SPATA2: variants seen among roughly 807,000 people sequenced by gnomAD.
The protein encoded by SPATA2 is spermatogenesis-associated protein 2.
A neutral mutation model predicts 35.4 loss-of-function variants in SPATA2; 8 were observed. The observed-to-expected ratio is 0.23, with a 90% CI of 0.13 to 0.41. The LOEUF is 0.41. SPATA2 is among the 10% of genes least tolerant of loss of function. The pLI, the probability that SPATA2 is intolerant of heterozygous loss-of-function variation, is 1.00. For synonymous variants in SPATA2, 293 were observed against 300.9 expected (o/e 0.97, Z 0.27); for missense variants, 650 against 698.7 (o/e 0.93, Z 0.79).
intron 2 of SPATA2, 150 bp downstream of exon 2, chr20:49,908,005 T>G: frequency 2.6e-6 from 2 of 784,072 alleles, no homozygotes; most frequent in South Asian, 1.9e-5. Context: ...GGTTCAGAGG[T>G]GATGCTGGAG....
At chr20:49,913,294 T>C (rs1002450371) in intron 1 of SPATA2, among the ~76,000 whole-genome samples, 2 of 152,200 alleles carry the variant, frequency 1.3e-5, no homozygotes, top group African/African-American at 2.4e-5. Flanking sequence ...AGCTGGAATC[T>C]GAACTCTTGC....
chr20:49,906,070 C>G lies in SPATA2; in HGVS notation c.1112G>C (p.Arg371Pro). Reference protein sequence around the residue: ...RNDAHSLYHKRSPPAKESALS... With the variant: ...RNDAHSLYHKPSPPAKESALS... ...GGCGGACTCTTTGGCAGGGGGCGAG[C>G]GCTTGTGGTAGAGGGAGTGGGCATC... The change falls in exon 3 of 3, where the codon CGC (arginine) becomes CCC (proline). Residue 371 changes from arginine (R) to proline (P), a missense_variant. Transcript: ENST00000289431. The surrounding 1 kb of genome is among the most constrained non-coding windows in gnomAD (Gnocchi z 8.2). 1 of 1,607,624 alleles carries G rather than the reference C, an allele frequency of 6.2e-7. No individual in the cohort carries two copies. The highest frequency in any genetic ancestry group is 8.5e-7 in the Non-Finnish European group (1 of 1,179,454).
intron 1 of SPATA2, among the ~76,000 whole-genome samples, chr20:49,908,858 C>T (rs778973580): frequency 2.3e-4 from 35 of 152,246 alleles, no homozygotes; most frequent in Admixed American, 7.2e-4. Flanking sequence ...GTCCTGGTTT[C>T]GTTGGGGAAG....
At position 49,904,911 on chromosome 20, in the gene SPATA2, AG is replaced by A. The variant is rs1214850402; in HGVS notation, c.*707del. On this transcript the variant is annotated 3_prime_UTR_variant, in exon 3 of 3. Coordinates refer to ENST00000289431, the MANE Select transcript of SPATA2 (RefSeq NM_006038.4). ...AGAGGGGCATGTGCAAACAACAGAA[AG>A]GGGGAAGTCAGTCCTGCTGTGGGAA... is the stretch of plus-strand genomic sequence containing the variant. 2.0e-5 allele frequency: 3 copies of A among 152,764 alleles called. No homozygotes were observed. The highest frequency in any genetic ancestry group is 4.4e-5 in the Non-Finnish European group (3 of 68,102). 9.5% of individuals were successfully genotyped at this position (152,764 alleles called of 1,614,324 possible).
chr20:49,903,934 T>G lies in SPATA2; in HGVS notation c.*1685A>C, dbSNP rs1471910286. On this transcript the variant is annotated 3_prime_UTR_variant, in exon 3 of 3. Transcript: ENST00000289431. ...ATATATATATATATATATATATATATATATATATATATATATATTAAAAAG... is the reference window on the plus strand; with the variant it reads ...ATATATATATATATATATATATATAGATATATATATATATATATTAAAAAG... 9.4e-4 allele frequency: 55 copies of G among 58,560 alleles called. 1 individual carries two copies. Among genetic ancestry groups the G allele is most frequent in the Non-Finnish European group, 1.7e-3 (43 of 25,940 alleles). 3.6% of individuals were successfully genotyped at this position (58,560 alleles called of 1,614,324 possible). A position where few individuals can be genotyped will look rare whatever the true frequency, so the allele number is the denominator to read the frequency against.
chr20:49,907,944 C>A (rs2090158227), intron 2 of SPATA2, among the ~76,000 whole-genome samples: 1 of 152,222 alleles, frequency 6.6e-6, no homozygotes, highest in Admixed American at 6.5e-5. Flanking sequence ...AACCTGGCTG[C>A]CCCTGCCTTC....
In SPATA2 at chr20:49,908,498, AGG is replaced by A; in HGVS notation, c.-10_-9del. 2 of 1,576,978 alleles carry A rather than the reference AGG, an allele frequency of 1.3e-6. No individual in the cohort carries two copies. Among genetic ancestry groups the A allele is most frequent in the South Asian group, 2.3e-5 (2 of 86,032 alleles). ...TGAACTGGGCTTCCCCATCCGATCGAGGGGGGCTACCTTATCTCCTCCATGGC... is the reference window on the plus strand; with the variant it reads ...TGAACTGGGCTTCCCCATCCGATCGAGGGGCTACCTTATCTCCTCCATGGC... On this transcript the variant is annotated 5_prime_UTR_variant, in exon 2 of 3. Transcript: ENST00000289431.
In SPATA2 at chr20:49,906,274, C is replaced by G. The variant is rs757002791; in HGVS notation, c.908G>C (p.Ser303Thr). 1.3e-6 allele frequency: 2 copies of G among 1,572,264 alleles called. No individual in the cohort carries two copies. Among genetic ancestry groups the G allele is most frequent in the South Asian group, 1.2e-5 (1 of 83,356 alleles). Residue 303 changes from serine (S) to threonine (T), a missense_variant, in exon 3 of 3, where the codon AGC becomes ACC. Coordinates refer to ENST00000289431, the MANE Select transcript of SPATA2 (RefSeq NM_006038.4). The surrounding 1 kb of genome is among the most constrained non-coding windows in gnomAD (Gnocchi z 8.2). ...CACATCCGGGCTGCCGTGGGGGGAG[C>G]TGGCCATGGTCAGCAGCGAAGGGGA... ...RPSPSLLTMA[S>T]SPHGSPDVLP...
chr20:49,908,229 C>T lies in SPATA2; in HGVS notation c.262G>A (p.Ala88Thr), dbSNP rs150565930. ...SSSSLRALHG[A>T]FSMLETVGIN... ...CCCACCGTCTCCAGCATGCTGAAGG[C>T]GCCGTGCAGAGCCCGCAGGCTAGAG... The change falls in exon 2 of 3, where the codon GCC (alanine) becomes ACC (threonine). Residue 88 changes from alanine to threonine, a missense_variant. Transcript: ENST00000289431. 18 of 1,614,032 alleles carry T rather than the reference C, an allele frequency of 1.1e-5. No homozygotes were observed. Among genetic ancestry groups the T allele is most frequent in the South Asian group, 3.3e-5 (3 of 91,080 alleles).
At chr20:49,907,253 G>A (rs926237717) in intron 2 of SPATA2, among the ~76,000 whole-genome samples, 1 of 152,134 alleles carries the variant, frequency 6.6e-6, no homozygotes, top group Non-Finnish European at 1.5e-5. Context: ...TAGAGATGGG[G>A]TTTCACCGTG....
Position 49,903,738 on chromosome 20 carries a change from T to G in SPATA2, c.*1881A>C, listed in dbSNP as rs1354172807. ...CTGGCGCAATCTGGAAATGGAAAAC[T>G]AGAAAACTAGAGCTCTCAGGAGTGG... On this transcript the variant is annotated 3_prime_UTR_variant, in exon 3 of 3. Coordinates refer to ENST00000289431, the MANE Select transcript of SPATA2 (RefSeq NM_006038.4). 2 of 151,952 alleles carry G rather than the reference T, an allele frequency of 1.3e-5. No individual in the cohort carries two copies. The highest frequency in any genetic ancestry group is 4.2e-4 in the South Asian group (2 of 4,808). 9.4% of individuals were successfully genotyped at this position (151,952 alleles called of 1,614,324 possible).
chr20:49,910,024 C>G (rs1255744243), intron 1 of SPATA2, among the ~76,000 whole-genome samples: 1 of 152,204 alleles, frequency 6.6e-6, no homozygotes, highest in Non-Finnish European at 1.5e-5. Context: ...TGAGCTGGGA[C>G]ACAGGCTTTA....
At position 49,906,864 on chromosome 20, in the gene SPATA2, A is replaced by C; in HGVS notation, c.337-19T>G. 6.3e-7 allele frequency: 1 copy of C among 1,585,870 alleles called. No individual in the cohort carries two copies. The highest frequency in any genetic ancestry group is 2.3e-5 in the East Asian group (1 of 44,430). On this transcript the variant is annotated intron_variant, in intron 2 of 2. Coordinates refer to ENST00000289431, the MANE Select transcript of SPATA2 (RefSeq NM_006038.4). This position sits in a 1 kb window ranked among gnomAD's most constrained non-coding sequence, Gnocchi z 8.2. The stretch of plus-strand genomic sequence containing the variant: ...TGTAGGTCTAGAAGGGAGGGAGTAG[A>C]AAAGAAAGGTGGGGTTTTCTGTCAG...
chr20:49,911,718 C>T (rs922152831), intron 1 of SPATA2, among the ~76,000 whole-genome samples: 9 of 151,922 alleles, frequency 5.9e-5, no homozygotes, highest in Admixed American at 2.0e-4. Flanking sequence ...GAAATGGATG[C>T]TGCAAAGGAT....
At chr20:49,907,305 C>T (rs532945231) in intron 2 of SPATA2, among the ~76,000 whole-genome samples, 2 of 152,144 alleles carry the variant, frequency 1.3e-5, no homozygotes, top group Non-Finnish European at 2.9e-5. Flanking sequence ...GTGATCCACC[C>T]GCCTCGGCCT....
At chr20:49,912,168 T>G (rs541119616) in intron 1 of SPATA2, among the ~76,000 whole-genome samples, 2 of 152,264 alleles carry the variant, frequency 1.3e-5, no homozygotes, top group African/African-American at 4.8e-5. Context: ...AAAATAAAAA[T>G]GCAGGCCAGG....
intron 1 of SPATA2, among the ~76,000 whole-genome samples, chr20:49,912,465 G>C (rs1173546052): frequency 6.6e-6 from 1 of 152,164 alleles, no homozygotes; most frequent in South Asian, 2.1e-4. Flanking sequence ...TAAATGTATT[G>C]CACCACTGGA....
intron 2 of SPATA2, among the ~76,000 whole-genome samples, chr20:49,907,085 G>A (rs2146830127): frequency 6.6e-6 from 1 of 152,310 alleles, no homozygotes; most frequent in Non-Finnish European, 1.5e-5. Flanking sequence ...GTTTGAGACG[G>A]AGTCTCGCTC....
At position 49,905,322 on chromosome 20, in the gene SPATA2, C is replaced by T. The variant is rs999379579; in HGVS notation, c.*297G>A. On this transcript the variant is annotated 3_prime_UTR_variant, in exon 3 of 3. Coordinates refer to ENST00000289431, the MANE Select transcript of SPATA2 (RefSeq NM_006038.4). ...TAAAGGAAAAAACAAAACAACAAAA[C>T]AAAACAAAACAAAACCCCAAAAAAA... 5.3e-5 allele frequency: 22 copies of T among 413,426 alleles called. No individual in the cohort carries two copies. The Admixed American group carries it at 8.8e-4, about 17-fold the overall frequency. The allele number at this position is 413,426 out of a possible 1,614,324, so 25.6% of individuals were successfully genotyped here. A position where few individuals can be genotyped will look rare whatever the true frequency, so the allele number is the denominator to read the frequency against.
Sources: gnomAD v4.1 joint callset for allele counts (sites outside exome capture counted in the v4.1 genomes callset) on GRCh38, gnomAD v4.1.1 for gene constraint, Gnocchi (gnomAD v3.1) non-coding constraint, MANE v1.5 for transcripts, NCBI Gene and HGNC (gene_info 2026-07-23, HGNC 2026-07-21) for gene names.